The following CANX variants were observed in gnomAD, a reference collection of about 807,000 sequenced individuals.
CANX encodes the protein calnexin.
CANX carries 14 observed loss-of-function variants against 75.7 expected under a neutral mutation model. The observed-to-expected ratio is 0.19, with a 90% confidence interval of 0.12 to 0.29. The LOEUF is 0.29. Among genes scored for constraint, CANX ranks in the 10% least tolerant of loss-of-function variants. The pLI, the probability that CANX is intolerant of heterozygous loss-of-function variation, is 1.00. For missense variants in CANX, 567 were observed against 713.2 expected (o/e 0.79, Z 2.34); for synonymous variants, 227 against 236.9 (o/e 0.96, Z 0.38).
At chr5:179,678,768 GC>G (rs1775969427) in exon 1 of CANX, 1 of 1,536,984 alleles carries the variant, frequency 6.5e-7, no homozygotes, top group African/African-American at 1.4e-5. Flanking sequence ...AGTTCCTGCT[GC>G]AGCTTCAGGT....
intron 1 of CANX, among the ~76,000 whole-genome samples, chr5:179,689,379 G>GTTTTTTTTTTTTTTTT (rs958473912): frequency 2.4e-5 from 2 of 83,676 alleles, no homozygotes; most frequent in African/African-American, 4.8e-5. Context: ...AACCCAACAA[G>GTTTTTTTTTTTTTTTT]TTTTTTTTTT....
At chr5:179,696,178 C>G (rs1562446349), upstream of CANX, among the ~76,000 whole-genome samples, 1 of 151,932 alleles carries the variant, frequency 6.6e-6, no homozygotes, top group Non-Finnish European at 1.5e-5. Context: ...CTTCGCCTCC[C>G]AAAGTGCTGA....
At chr5:179,709,444 T>C (rs1226668768) in intron 6 of CANX, among the ~76,000 whole-genome samples, 1 of 151,978 alleles carries the variant, frequency 6.6e-6, no homozygotes, top group African/African-American at 2.4e-5. Context: ...TTTGTAATAA[T>C]TGTGAAAATA....
Position 179,724,639 on chromosome 5 carries a change from C to G in CANX, c.1519-18C>G. 3.7e-6 allele frequency: 6 copies of G among 1,608,426 alleles called. No homozygotes were observed. The highest frequency in any genetic ancestry group is 5.1e-6 in the Non-Finnish European group (6 of 1,176,660). On this transcript the variant is annotated intron_variant, in intron 12 of 14. Transcript: ENST00000247461. ...ACATGAACATGTAAACAAAATTGTACTTTGGGGAACATTTCAGAAACAGAC... is the reference window on the plus strand; with the variant it reads ...ACATGAACATGTAAACAAAATTGTAGTTTGGGGAACATTTCAGAAACAGAC...
At chr5:179,695,826 A>G (rs972477178), upstream of CANX, among the ~76,000 whole-genome samples, 1 of 146,976 alleles carries the variant, frequency 6.8e-6, no homozygotes, top group Non-Finnish European at 1.5e-5. Context: ...AATTTTTTGT[A>G]TTTTTAGTAG....
chr5:179,709,194 T>G, intron 6 of CANX, 135 bp downstream of exon 6: 2 of 608,056 alleles, frequency 3.3e-6, no homozygotes, highest in Non-Finnish European at 6.1e-6. Context: ...GGCAGGCGGA[T>G]CACGAGGTCA....
chr5:179,695,230 T>TG (rs1214550794), upstream of CANX, among the ~76,000 whole-genome samples: 2 of 151,774 alleles, frequency 1.3e-5, no homozygotes, highest in African/African-American at 4.8e-5. Flanking sequence ...TTTGTGTGTG[T>TG]GGTTTTTTTT....
chr5:179,679,955 GGCCTTT>G (rs1776017082), intron 1 of CANX, among the ~76,000 whole-genome samples: 1 of 138,582 alleles, frequency 7.2e-6, no homozygotes, highest in Non-Finnish European at 1.5e-5. Context: ...CACTGCGCCT[GGCCTTT>G]TTTTTTTTTT....
At chr5:179,715,879 T>A (rs1305217545) in intron 7 of CANX, 2 of 600,732 alleles carry the variant, frequency 3.3e-6, no homozygotes. Flanking sequence ...ATTTTAACTA[T>A]CATTTGCTGT....
intron 1 of CANX, among the ~76,000 whole-genome samples, chr5:179,691,622 G>A (rs1009170840): frequency 3.9e-5 from 6 of 152,094 alleles, no homozygotes; most frequent in African/African-American, 1.4e-4. Context: ...ATTTGGCTCT[G>A]GAAGACAGGA....
chr5:179,701,929 C>T (rs1562461261), intron 1 of CANX, among the ~76,000 whole-genome samples: 1 of 151,606 alleles, frequency 6.6e-6, no homozygotes, highest in African/African-American at 2.4e-5. Context: ...TTAGTAGAGA[C>T]GGGGTTTCAC....
chr5:179,726,594 T>G, intron 13 of CANX, 86 bp from the exon 14 acceptor site: 2 of 697,086 alleles, frequency 2.9e-6, no homozygotes, highest in Non-Finnish European at 4.5e-6. Context: ...AAAAAAAAAA[T>G]TGTAGATCTA....
chr5:179,707,645 AT>A (rs775542894), intron 4 of CANX, among the ~76,000 whole-genome samples: 3,686 of 103,582 alleles, frequency 0.036, 85 homozygotes, highest in African/African-American at 0.11. Flanking sequence ...GTGTTGCCTA[AT>A]TTTTTTTTTT....
At chr5:179,690,894 AAAAT>A (rs1776289489) in intron 1 of CANX, among the ~76,000 whole-genome samples, 1 of 152,216 alleles carries the variant, frequency 6.6e-6, no homozygotes, top group Non-Finnish European at 1.5e-5. Flanking sequence ...CTCAAAAAAA[AAAAT>A]AATAAGTAAC....
At chr5:179,698,542 G>A (rs1262593718), upstream of CANX, 1 of 1,289,428 alleles carries the variant, frequency 7.8e-7, no homozygotes, top group South Asian at 1.2e-5. Flanking sequence ...GCCGGCTGCC[G>A]TTTGCCCCGT....
intron 1 of CANX, among the ~76,000 whole-genome samples, chr5:179,690,654 G>A (rs1776284999): frequency 1.3e-5 from 2 of 151,760 alleles, no homozygotes; most frequent in Non-Finnish European, 2.9e-5. Context: ...CACTTTGGGA[G>A]GCTCAGGCAG....
upstream of CANX, chr5:179,698,602 G>C (rs983374160): frequency 3.9e-6 from 5 of 1,288,238 alleles, no homozygotes; most frequent in African/African-American, 1.5e-5. Flanking sequence ...GGAACCAGAC[G>C]GGTGAGGGCT....
chr5:179,728,880 G>T lies in CANX; in HGVS notation c.*236G>T. On this transcript the variant is annotated 3_prime_UTR_variant, in exon 15 of 15. Coordinates refer to ENST00000247461, the MANE Select transcript of CANX (RefSeq NM_001746.4). ...AAAGAAAACATTTAACATAATGGTT[G>T]TGAAATGTAACATGAAGCAAACTAA... is the stretch of plus-strand genomic sequence containing the variant. 1.8e-6 allele frequency: 1 copy of T among 566,572 alleles called. No individual in the cohort carries two copies. Among genetic ancestry groups the T allele is most frequent in the Non-Finnish European group, 3.2e-6 (1 of 311,546 alleles). The allele number at this position is 566,572 out of a possible 1,614,324, so 35.1% of individuals were successfully genotyped here.
At chr5:179,715,795 G>C in intron 7 of CANX, 1 of 383,568 alleles carries the variant, frequency 2.6e-6, no homozygotes, top group South Asian at 2.3e-5. Context: ...CAATAATTGT[G>C]TTAGTTTATG....
Sources: gnomAD v4.1 joint callset for allele counts (sites outside exome capture counted in the v4.1 genomes callset) on GRCh38, gnomAD v4.1.1 for gene constraint, MANE v1.5 for transcripts, NCBI Gene and HGNC (gene_info 2026-07-23, HGNC 2026-07-21) for gene names.